Variants in TBX4 observed in about 807,000 individuals in gnomAD.
The protein encoded by TBX4 is T-box transcription factor TBX4.
A neutral mutation model predicts 54.6 loss-of-function variants in TBX4; 13 were observed. The observed-to-expected ratio is 0.24, with a 90% CI of 0.15 to 0.38. The LOEUF (loss-of-function observed/expected upper bound fraction) is 0.38, where lower values mean the gene tolerates loss of function less well. Among genes scored for constraint, TBX4 ranks in the 10% least tolerant of loss-of-function variants. The probability of loss-of-function intolerance (pLI) is 1.00; values close to 1 mark genes in which losing one functional copy is unlikely to be tolerated. For synonymous variants in TBX4, 314 were observed against 306.7 expected, an observed-to-expected ratio of 1.02 and a Z score of -0.25; for missense variants, 631 against 728.5, an observed-to-expected ratio of 0.87 and a Z score of 1.54.
chr17:61,482,347 G>A (rs2060669017), intron 8 of TBX4, among the ~76,000 whole-genome samples: 1 of 152,190 alleles, frequency 6.6e-6, no homozygotes, highest in African/African-American at 2.4e-5. Context: ...AAAATCTGAT[G>A]GTTCTTCTTT....
At chr17:61,455,977 G>C (rs1011078183) in intron 1 of TBX4, among the ~76,000 whole-genome samples, 7 of 152,162 alleles carry the variant, frequency 4.6e-5, no homozygotes, top group Non-Finnish European at 8.8e-5. Flanking sequence ...TGGGCCTGAG[G>C]TCCTGAGGCC....
Position 61,465,764 on chromosome 17 carries a change from C to G in TBX4, c.282-55C>G, listed in dbSNP as rs1252409240. 6.2e-7 allele frequency: 1 copy of G among 1,611,028 alleles called. No homozygotes were observed. The highest frequency in any genetic ancestry group is 1.3e-5 in the African/African-American group (1 of 74,836). ...CTTCTGCCCCCTTGCTCACTCTGTT[C>G]CATCTCTCCTGGTGCTCTGTCCACA... On this transcript the variant is annotated intron_variant, in intron 3 of 8. Coordinates refer to ENST00000644296, the MANE Select transcript of TBX4 (RefSeq NM_001321120.2). This position sits in a 1 kb window ranked among gnomAD's most constrained non-coding sequence, Gnocchi z 4.9.
chr17:61,456,521 G>A lies in TBX4; in HGVS notation c.31G>A (p.Glu11Lys). 2 of 1,566,976 alleles carry A rather than the reference G, an allele frequency of 1.3e-6. No individual in the cohort carries two copies. The highest frequency in any genetic ancestry group is 1.2e-5 in the South Asian group (1 of 84,996). Residue 11 changes from glutamate (E) to lysine (K), a missense_variant, in exon 2 of 9, where the codon GAG (glutamate) becomes AAG (lysine). Physicochemically the swap from Glu to Lys is moderately conservative, Grantham distance 56. Transcript: ENST00000644296. The part of the protein sequence containing the change: MLQDKGLSES[E>K]EAFRAPGPAL... The stretch of plus-strand genomic sequence containing the variant: ...GCAGGATAAGGGCCTGTCCGAGAGC[G>A]AGGAGGCCTTCCGGGCCCCGGGCCC...
intron 5 of TBX4, among the ~76,000 whole-genome samples, chr17:61,469,715 C>T (rs987686692): frequency 6.6e-6 from 1 of 152,202 alleles, no homozygotes; most frequent in Non-Finnish European, 1.5e-5. Flanking sequence ...GAGGGAGCAG[C>T]CTCTGGCCAT....
In TBX4 at chr17:61,462,287, G is replaced by T. The variant is rs559084047; in HGVS notation, c.282-3532G>T. 5.3e-5 allele frequency among the ~76,000 whole-genome samples: 8 copies of T among 152,178 alleles called. No individual in the cohort carries two copies. Among genetic ancestry groups the T allele is most frequent in the Non-Finnish European group, 1.0e-4 (7 of 68,054 alleles). Reference sequence around the variant, plus strand: ...AAGCCCCGGGCTTTCATCTCCTCCCGGGCCGGCGAGCAGGCGGCTTGTTTA... The same window carrying T: ...AAGCCCCGGGCTTTCATCTCCTCCCTGGCCGGCGAGCAGGCGGCTTGTTTA... On this transcript the variant is annotated intron_variant, in intron 3 of 8. Coordinates refer to ENST00000644296, the MANE Select transcript of TBX4 (RefSeq NM_001321120.2). This position sits in a 1 kb window ranked among gnomAD's most constrained non-coding sequence, Gnocchi z 4.5.
At position 61,480,795 on chromosome 17, in the gene TBX4, G is replaced by C; in HGVS notation, c.1021+476G>C. 6.6e-6 allele frequency among the ~76,000 whole-genome samples: 1 copy of C among 152,170 alleles called. No individual in the cohort carries two copies. The highest frequency in any genetic ancestry group is 1.5e-5 in the Non-Finnish European group (1 of 68,030). On this transcript the variant is annotated intron_variant, in intron 8 of 8. Coordinates refer to ENST00000644296, the MANE Select transcript of TBX4 (RefSeq NM_001321120.2). This position sits in a 1 kb window ranked among gnomAD's most constrained non-coding sequence, Gnocchi z 6.2. The stretch of plus-strand genomic sequence containing the variant: ...ATCATTCCTTCCAGGATCTGCAGAG[G>C]CTGCTTGAGAGTTGAGATGAGCTAT...
rs369129016 is a variant in TBX4, at chr17:61,469,986, A to G, written c.549+2329A>G. On this transcript the variant is annotated intron_variant, in intron 5 of 8. Transcript: ENST00000644296. Reference sequence around the variant, plus strand: ...GCCTCAAGGGACTTTCTCCAGCCACATGGGCTTGGACTTTTCTTGGGGATC... The same window carrying G: ...GCCTCAAGGGACTTTCTCCAGCCACGTGGGCTTGGACTTTTCTTGGGGATC... Among the ~76,000 whole-genome samples, 33 of 152,284 alleles carry G rather than the reference A, an allele frequency of 2.2e-4. 1 individual carries two copies. Among genetic ancestry groups the G allele is most frequent in the African/African-American group, 6.0e-4 (25 of 41,574 alleles).
At position 61,464,761 on chromosome 17, in the gene TBX4, TGTATGCGCTGTGCTGTTGTGTGTGC is replaced by T. The variant is rs2060523107; in HGVS notation, c.282-1052_282-1028del. ...GAGGGAGCTGTGCCCAGAGCGTTTGTGTATGCGCTGTGCTGTTGTGTGTGCGTATGTGCTGAGGGGTGTGCGGAAG... is the reference window on the plus strand; with the variant it reads ...GAGGGAGCTGTGCCCAGAGCGTTTGTGTATGTGCTGAGGGGTGTGCGGAAG... On this transcript the variant is annotated intron_variant, in intron 3 of 8. Transcript: ENST00000644296. The surrounding 1 kb of genome is among the most constrained non-coding windows in gnomAD (Gnocchi z 5.8). Among the ~76,000 whole-genome samples, 1 of 152,094 alleles carries T rather than the reference TGTATGCGCTGTGCTGTTGTGTGTGC, an allele frequency of 6.6e-6. No individual in the cohort carries two copies. The highest frequency in any genetic ancestry group is 2.4e-5 in the African/African-American group (1 of 41,404).
At chr17:61,473,016 G>T (rs1394047023) in intron 5 of TBX4, among the ~76,000 whole-genome samples, 1 of 152,118 alleles carries the variant, frequency 6.6e-6, no homozygotes, top group Non-Finnish European at 1.5e-5. Flanking sequence ...GGCTAGTCTT[G>T]TCTATTTTTT....
Position 61,478,922 on chromosome 17 carries a change from C to T in TBX4, c.702+143C>T. Reference sequence around the variant, plus strand: ...TGCAGGGACCTCAGAAGCCTAGAGTCCCTCGGAGCCGCGAGCAAATCGAAT... The same window carrying T: ...TGCAGGGACCTCAGAAGCCTAGAGTTCCTCGGAGCCGCGAGCAAATCGAAT... On this transcript the variant is annotated intron_variant, in intron 6 of 8. Coordinates refer to ENST00000644296, the MANE Select transcript of TBX4 (RefSeq NM_001321120.2). This position sits in a 1 kb window ranked among gnomAD's most constrained non-coding sequence, Gnocchi z 7.4. 1 of 1,286,002 alleles carries T rather than the reference C, an allele frequency of 7.8e-7. No individual in the cohort carries two copies. The highest frequency in any genetic ancestry group is 1.1e-6 in the Non-Finnish European group (1 of 898,002). The allele number at this position is 1,286,002 out of a possible 1,614,324, so 79.7% of individuals were successfully genotyped here.
rs372745832 is a variant in TBX4, at chr17:61,465,791, G to T, written c.282-28G>T. 1.2e-6 allele frequency: 2 copies of T among 1,613,076 alleles called. No individual in the cohort carries two copies. Among genetic ancestry groups the T allele is most frequent in the East Asian group, 2.2e-5 (1 of 44,834 alleles). On this transcript the variant is annotated intron_variant, in intron 3 of 8. Transcript: ENST00000644296. The surrounding 1 kb of genome is among the most constrained non-coding windows in gnomAD (Gnocchi z 4.9). The stretch of plus-strand genomic sequence containing the variant: ...ATCTCTCCTGGTGCTCTGTCCACAC[G>T]CTCCGCCTCACCCCTCGGCTCCCCC...
At chr17:61,454,852 C>T (rs1037990401) in intron 1 of TBX4, among the ~76,000 whole-genome samples, 3 of 152,252 alleles carry the variant, frequency 2.0e-5, no homozygotes, top group Non-Finnish European at 4.4e-5. Flanking sequence ...ACGGCCCCTC[C>T]TTGCGACCCC....
chr17:61,456,553 C>G lies in TBX4; in HGVS notation c.63C>G (p.Leu21=), dbSNP rs775860775. The change falls in exon 2 of 9, where the codon CTC becomes CTG. Residue 21 remains leucine, a synonymous_variant. Transcript: ENST00000644296. ...CCTTCCGGGCCCCGGGCCCAGCGCT[C>G]GGAGAGGCCAGCGCAGCCAACGCCC... The part of the protein sequence containing the change: ...EEAFRAPGPA[L]GEASAANAPE... 6.4e-6 allele frequency: 10 copies of G among 1,552,102 alleles called. No individual in the cohort carries two copies. The East Asian group carries it at 9.7e-5, about 15-fold the overall frequency.
Position 61,475,169 on chromosome 17 carries a change from G to A in TBX4, c.550-3458G>A, listed in dbSNP as rs1400637934. Among the ~76,000 whole-genome samples the A allele has an allele frequency of 6.6e-6, 1 of 152,232 alleles. No individual in the cohort carries two copies. Among genetic ancestry groups the A allele is most frequent in the African/African-American group, 2.4e-5 (1 of 41,460 alleles). ...TGCAGGTTTCCCTGTGAGCCTGGCT[G>A]GTTCCCTGCCTCGGAAGATGTGTTG... On this transcript the variant is annotated intron_variant, in intron 5 of 8. Coordinates refer to ENST00000644296, the MANE Select transcript of TBX4 (RefSeq NM_001321120.2). The surrounding 1 kb of genome is among the most constrained non-coding windows in gnomAD (Gnocchi z 5.0).
intron 3 of TBX4, chr17:61,463,411 A>T (rs1047381444): frequency 6.6e-6 from 1 of 152,296 alleles, no homozygotes; most frequent in African/African-American, 2.4e-5. Flanking sequence ...ACATCTCCTT[A>T]TCAGTCAGGA....
intron 1 of TBX4, among the ~76,000 whole-genome samples, chr17:61,455,878 C>T (rs369760102): frequency 6.6e-6 from 1 of 152,202 alleles, no homozygotes; most frequent in Admixed American, 6.5e-5. Context: ...TGTGTGTGGA[C>T]GGGGAGTGTG....
intron 5 of TBX4, among the ~76,000 whole-genome samples, chr17:61,470,944 G>T (rs1327284357): frequency 6.6e-6 from 1 of 152,232 alleles, no homozygotes; most frequent in Non-Finnish European, 1.5e-5. Context: ...CTGGGGCATA[G>T]GCGGGACCTG....
At position 61,460,531 on chromosome 17, in the gene TBX4, C is replaced by T. The variant is rs1338106197; in HGVS notation, c.281+2900C>T. Among the ~76,000 whole-genome samples the T allele has an allele frequency of 6.6e-6, 1 of 152,122 alleles. No homozygotes were observed. Among genetic ancestry groups the T allele is most frequent in the Non-Finnish European group, 1.5e-5 (1 of 68,030 alleles). On this transcript the variant is annotated intron_variant, in intron 3 of 8. Coordinates refer to ENST00000644296, the MANE Select transcript of TBX4 (RefSeq NM_001321120.2). The surrounding 1 kb of genome is among the most constrained non-coding windows in gnomAD (Gnocchi z 4.4). ...TGGGAGCCACCAGTTTCTGAATACT[C>T]AGCGACCTCCATGTCAGGTGTGAAA...
chr17:61,480,701 G>T lies in TBX4; in HGVS notation c.1021+382G>T. Among the ~76,000 whole-genome samples the T allele has an allele frequency of 6.6e-6, 1 of 152,238 alleles. No homozygotes were observed. Among genetic ancestry groups the T allele is most frequent in the Non-Finnish European group, 1.5e-5 (1 of 68,024 alleles). ...CAGAGGTTTTGGGATTGGGGCTGTTGTTTGTCAAAGCAACCTCAATTCCAG... is the reference window on the plus strand; with the variant it reads ...CAGAGGTTTTGGGATTGGGGCTGTTTTTTGTCAAAGCAACCTCAATTCCAG... On this transcript the variant is annotated intron_variant, in intron 8 of 8. Transcript: ENST00000644296. This position sits in a 1 kb window ranked among gnomAD's most constrained non-coding sequence, Gnocchi z 6.2.
Sources: allele counts gnomAD v4.1 joint callset (sites outside exome capture counted in the v4.1 genomes callset), GRCh38; gene constraint gnomAD v4.1.1; non-coding constraint Gnocchi (gnomAD v3.1); transcripts MANE v1.5; gene names NCBI Gene and HGNC (gene_info 2026-07-23, HGNC 2026-07-21).